The following ADA variants were observed in gnomAD, a reference collection of about 807,000 sequenced individuals.
ADA encodes the protein adenosine deaminase.
A neutral mutation model predicts 49.0 loss-of-function variants in ADA; 45 were observed. The observed-to-expected ratio is 0.92, with a 90% CI of 0.72 to 1.18. The LOEUF is 1.18. Ranked by LOEUF, ADA falls within the 50% of genes most tolerant of loss-of-function variation. The probability of loss-of-function intolerance (pLI) is 0.00; values close to 1 mark genes in which losing one functional copy is unlikely to be tolerated. For missense variants in ADA, 445 were observed against 472.5 expected, an observed-to-expected ratio of 0.94 and a Z score of 0.54; for synonymous variants, 173 against 184.2, an observed-to-expected ratio of 0.94 and a Z score of 0.49.
At chr20:44,630,500 C>T (rs1322242189) in intron 2 of ADA, among the ~76,000 whole-genome samples, 2 of 152,032 alleles carry the variant, frequency 1.3e-5, no homozygotes, top group Non-Finnish European at 2.9e-5. Flanking sequence ...ATGAGAAGAT[C>T]CTTGAAAGGA....
intron 2 of ADA, chr20:44,635,956 G>A: frequency 1.9e-6 from 1 of 513,818 alleles, no homozygotes; most frequent in East Asian, 3.3e-5. Flanking sequence ...ACGTATGTGG[G>A]TGGGTGGGGA....
chr20:44,641,622 C>T (rs2065535156), intron 1 of ADA, among the ~76,000 whole-genome samples: 1 of 152,064 alleles, frequency 6.6e-6, no homozygotes, highest in Non-Finnish European at 1.5e-5. Context: ...AAGGTCAAAC[C>T]AGGCCTGGCC....
At chr20:44,622,776 C>T (rs1425199155) in intron 8 of ADA, 53 bp downstream of exon 8, 4 of 1,614,130 alleles carry the variant, frequency 2.5e-6, no homozygotes, top group Middle Eastern at 1.6e-4. Flanking sequence ...CCTCTCTATA[C>T]AGGAAGTTGG....
chr20:44,619,751 G>T lies in ADA; in HGVS notation c.*83C>A. ...TGACTATTGAGATCATGGTCTTCTT[G>T]GAAGGAATAAATGTAAAAATGTTGC... On this transcript the variant is annotated 3_prime_UTR_variant, in exon 12 of 12. Coordinates refer to ENST00000372874, the MANE Select transcript of ADA (RefSeq NM_000022.4). The T allele has an allele frequency of 6.4e-7, 1 of 1,558,282 alleles. No homozygotes were observed. Among genetic ancestry groups the T allele is most frequent in the South Asian group, 1.1e-5 (1 of 89,746 alleles).
chr20:44,632,781 C>G (rs560635536), intron 2 of ADA, among the ~76,000 whole-genome samples: 1 of 152,358 alleles, frequency 6.6e-6, no homozygotes, highest in African/African-American at 2.4e-5. Context: ...CAACCTTCAC[C>G]TCCCTGGTTC....
At chr20:44,628,726 C>T (rs1308173265) in intron 3 of ADA, among the ~76,000 whole-genome samples, 2 of 151,964 alleles carry the variant, frequency 1.3e-5, no homozygotes, top group African/African-American at 4.8e-5. Flanking sequence ...CCTCTCCTCC[C>T]CTCACAACAC....
chr20:44,626,671 C>T, intron 3 of ADA, 72 bp from the exon 4 acceptor site: 1 of 1,590,966 alleles, frequency 6.3e-7, no homozygotes. Context: ...CAAATGACAT[C>T]CCCAACCCTT....
intron 2 of ADA, among the ~76,000 whole-genome samples, chr20:44,629,608 A>G (rs2065415253): frequency 6.6e-6 from 1 of 152,192 alleles, no homozygotes; most frequent in African/African-American, 2.4e-5. Flanking sequence ...CTGCAGCATC[A>G]CAATTCCCAG....
rs8118045 is a variant in ADA, at chr20:44,643,990, G to A, written c.33+7585C>T. ...AGTGTGTCGGTGGCAGAGCTACCAT[G>A]AGGACCCAGGTCTTGGACTCCTGGG... On this transcript the variant is annotated intron_variant, in intron 1 of 11. Coordinates refer to ENST00000372874, the MANE Select transcript of ADA (RefSeq NM_000022.4). Among the ~76,000 whole-genome samples, 386 of 152,022 alleles carry A rather than the reference G, an allele frequency of 2.5e-3. 1 individual carries two copies. Among genetic ancestry groups the A allele is most frequent in the African/African-American group, 8.6e-3 (356 of 41,512 alleles).
intron 1 of ADA, among the ~76,000 whole-genome samples, chr20:44,644,918 C>A (rs2065574668): frequency 6.6e-6 from 1 of 152,198 alleles, no homozygotes; most frequent in African/African-American, 2.4e-5. Flanking sequence ...GGACTCAGCA[C>A]ACTTAAACTC....
At chr20:44,629,230 G>T in intron 2 of ADA, 61 bp from the exon 3 acceptor site, 1 of 1,611,220 alleles carries the variant, frequency 6.2e-7, no homozygotes, top group Non-Finnish European at 8.5e-7. Flanking sequence ...GGCCTGACAG[G>T]CCAGGATGGA....
At chr20:44,651,336 C>T (rs529760896) in intron 1 of ADA, among the ~76,000 whole-genome samples, 1 of 152,352 alleles carries the variant, frequency 6.6e-6, no homozygotes, top group African/African-American at 2.4e-5. Context: ...AAACTGAGAC[C>T]CAGAGGGGTC....
At chr20:44,640,425 T>C (rs972475497) in intron 1 of ADA, among the ~76,000 whole-genome samples, 2 of 145,048 alleles carry the variant, frequency 1.4e-5, no homozygotes, top group Non-Finnish European at 3.0e-5. Context: ...AAAAAAAAAA[T>C]ATTAACTTAT....
rs985887054 is a variant in ADA, at chr20:44,651,662, GC to G, written c.-56del. ...CTCCGCCGCCGCTCGGTGGGTCTCTGCCGGCTCGGTGGCCGCTCGGCTTTCC... is the reference window on the plus strand; with the variant it reads ...CTCCGCCGCCGCTCGGTGGGTCTCTGCGGCTCGGTGGCCGCTCGGCTTTCC... On this transcript the variant is annotated 5_prime_UTR_variant, in exon 1 of 12. Transcript: ENST00000372874. The G allele has an allele frequency of 6.8e-7, 1 of 1,463,426 alleles. No homozygotes were observed. The highest frequency in any genetic ancestry group is 9.0e-7 in the Non-Finnish European group (1 of 1,113,430). The allele number at this position is 1,463,426 out of a possible 1,614,324, so 90.7% of individuals were successfully genotyped here. A position where few individuals can be genotyped will look rare whatever the true frequency, so the allele number is the denominator to read the frequency against.
intron 1 of ADA, among the ~76,000 whole-genome samples, chr20:44,640,346 G>A (rs180966633): frequency 2.0e-5 from 3 of 151,886 alleles, no homozygotes; most frequent in East Asian, 1.9e-4. Context: ...CCTGGGAGGC[G>A]GAGGTTGCAG....
At chr20:44,651,090 G>A (rs531590604) in intron 1 of ADA, among the ~76,000 whole-genome samples, 4 of 152,176 alleles carry the variant, frequency 2.6e-5, no homozygotes, top group Non-Finnish European at 1.5e-5. Context: ...CAGGGCTCAC[G>A]GTTCTTCCCC....
At chr20:44,631,994 C>T (rs562461112) in intron 2 of ADA, among the ~76,000 whole-genome samples, 24 of 152,328 alleles carry the variant, frequency 1.6e-4, no homozygotes, top group East Asian at 5.8e-4. Flanking sequence ...GGCGCCTCCC[C>T]GTGCCCAGCA....
At chr20:44,648,429 C>G (rs1360114735) in intron 1 of ADA, among the ~76,000 whole-genome samples, 1 of 152,064 alleles carries the variant, frequency 6.6e-6, no homozygotes, top group African/African-American at 2.4e-5. Context: ...CATCTGAGCC[C>G]CACCCCATTC....
chr20:44,621,187 C>G, intron 9 of ADA, 40 bp from the exon 10 acceptor site: 1 of 1,613,894 alleles, frequency 6.2e-7, no homozygotes, highest in Non-Finnish European at 8.5e-7. Context: ...CCTCCTTTTA[C>G]TCTTACATAA....
Sources: gnomAD v4.1 joint callset for allele counts (sites outside exome capture counted in the v4.1 genomes callset) on GRCh38, gnomAD v4.1.1 for gene constraint, MANE v1.5 for transcripts, NCBI Gene and HGNC (gene_info 2026-07-23, HGNC 2026-07-21) for gene names.